Variants in OSMR observed in about 807,000 individuals in gnomAD.
OSMR encodes the protein oncostatin-M-specific receptor subunit beta.
OSMR carries 81 observed loss-of-function variants against 99.9 expected under a neutral mutation model. The ratio of observed to expected loss-of-function variants is 0.81; its 90% confidence interval spans 0.68 to 0.97. The LOEUF is 0.97. Ranked by LOEUF, OSMR falls within the 50% of genes least tolerant of loss-of-function variation. OSMR has a pLI of 0.00. For missense variants in OSMR, 1,099 were observed against 1,153.4 expected (o/e 0.95, Z 0.68); for synonymous variants, 406 against 410.4 (o/e 0.99, Z 0.13).
chr5:38,894,639 A>C (rs1744380257), intron 7 of OSMR, among the ~76,000 whole-genome samples: 1 of 152,196 alleles, frequency 6.6e-6, no homozygotes, highest in Admixed American at 6.5e-5. Flanking sequence ...TTCAATAAGA[A>C]GACTTATTGA....
rs140952552 is a variant in OSMR, at chr5:38,889,247, T to A, written c.991+3057T>A. ...TTTTTGAATTATAGTTTTTGGTATT[T>A]GTTTGGCCGCCTTCCCTTGGTGTTC... is the stretch of plus-strand genomic sequence containing the variant. On this transcript the variant is annotated intron_variant, in intron 7 of 17. Coordinates refer to ENST00000274276, the MANE Select transcript of OSMR (RefSeq NM_003999.3). 2.3e-3 allele frequency among the ~76,000 whole-genome samples: 347 copies of A among 152,266 alleles called. 2 individuals carry two copies. Among genetic ancestry groups the A allele is most frequent in the African/African-American group, 8.1e-3 (335 of 41,580 alleles).
chr5:38,945,179 G>T, downstream of OSMR: 1 of 808,670 alleles, frequency 1.2e-6, no homozygotes, highest in Non-Finnish European at 1.9e-6. Flanking sequence ...CTAATTGTAT[G>T]CAATATACCA....
chr5:38,941,903 A>T (rs1747611864), intron 1 of OSMR: 1 of 234,574 alleles, frequency 4.3e-6, no homozygotes, highest in African/African-American at 2.2e-5. Context: ...CAAACAAGGC[A>T]TCTGTATTAT....
At chr5:38,877,409 G>A (rs1042277695) in intron 3 of OSMR, among the ~76,000 whole-genome samples, 1 of 152,130 alleles carries the variant, frequency 6.6e-6, no homozygotes, top group African/African-American at 2.4e-5. Context: ...GTCCACTTAG[G>A]ATTCATACCT....
At chr5:38,856,069 G>A (rs1042564702) in intron 1 of OSMR, among the ~76,000 whole-genome samples, 1 of 152,082 alleles carries the variant, frequency 6.6e-6, no homozygotes, top group Non-Finnish European at 1.5e-5. Flanking sequence ...TGGGCTTTTC[G>A]TTGTGTTAGT....
intron 7 of OSMR, among the ~76,000 whole-genome samples, chr5:38,897,162 A>G (rs1331871624): frequency 1.3e-5 from 2 of 151,950 alleles, no homozygotes; most frequent in African/African-American, 4.8e-5. Context: ...ATACTGGCCT[A>G]GTAGAATGAC....
intron 7 of OSMR, among the ~76,000 whole-genome samples, chr5:38,891,956 C>T (rs1356044090): frequency 6.6e-6 from 1 of 152,160 alleles, no homozygotes; most frequent in Admixed American, 6.5e-5. Context: ...ACCCCTGCCG[C>T]CCTTCTCCGG....
At chr5:38,931,759 C>G (rs1245170498) in intron 15 of OSMR, 124 bp from the exon 16 acceptor site, 32 of 1,486,866 alleles carry the variant, frequency 2.2e-5, no homozygotes, top group Non-Finnish European at 2.8e-5. Flanking sequence ...CATATTACAA[C>G]TTGCATACAT....
intron 15 of OSMR, among the ~76,000 whole-genome samples, chr5:38,929,883 A>G (rs1026777172): frequency 2.6e-5 from 4 of 152,226 alleles, no homozygotes; most frequent in Non-Finnish European, 5.9e-5. Flanking sequence ...AGGTACAGTA[A>G]AAGTTAAATA....
At chr5:38,905,550 T>G (rs1454035984) in intron 9 of OSMR, among the ~76,000 whole-genome samples, 1 of 151,950 alleles carries the variant, frequency 6.6e-6, no homozygotes, top group Non-Finnish European at 1.5e-5. Flanking sequence ...CGAAGGGCCC[T>G]CTGTGCTCCT....
intron 11 of OSMR, chr5:38,919,472 A>T (rs1239031938): frequency 1.5e-6 from 1 of 649,170 alleles, no homozygotes; most frequent in African/African-American, 1.9e-5. Flanking sequence ...AGAGTCCATG[A>T]ACATTTCCAG....
Position 38,917,640 on chromosome 5 carries a change from CA to C in OSMR, c.1362+22del. 6.3e-7 allele frequency: 1 copy of C among 1,593,902 alleles called. No homozygotes were observed. Among genetic ancestry groups the C allele is most frequent in the Non-Finnish European group, 8.6e-7 (1 of 1,162,076 alleles). ...TCTGGAAGGTAAGATGTGCAGATTC[CA>C]AAAGTCTGATTGTTTCCAAAAGTCA... On this transcript the variant is annotated intron_variant, in intron 10 of 17. Transcript: ENST00000274276.
rs1745067040 is a variant in OSMR, at chr5:38,904,119, G to A, written c.1134+95G>A. ...AAAATCACTTTAAACTCTTATTTCT[G>A]TGTAGGTTCAAATGGTGTGGGTCAT... On this transcript the variant is annotated intron_variant, in intron 8 of 17. Coordinates refer to ENST00000274276, the MANE Select transcript of OSMR (RefSeq NM_003999.3). 7.0e-6 allele frequency: 11 copies of A among 1,563,904 alleles called. No homozygotes were observed. In the South Asian group the frequency reaches 9.5e-5, roughly 13 times the overall value.
At chr5:38,942,451 A>G in intron 1 of OSMR, 1 of 788,540 alleles carries the variant, frequency 1.3e-6, no homozygotes, top group Non-Finnish European at 1.9e-6. Context: ...ATAAATATCT[A>G]ATTTTTTTTT....
chr5:38,917,443 T>C, intron 9 of OSMR, 103 bp from the exon 10 acceptor site: 8 of 1,537,104 alleles, frequency 5.2e-6, no homozygotes, highest in Admixed American at 1.8e-5. Flanking sequence ...AAGCCTCAGG[T>C]TGGACAGGTA....
chr5:38,865,065 T>C (rs1316945089), intron 1 of OSMR, among the ~76,000 whole-genome samples: 2 of 152,232 alleles, frequency 1.3e-5, no homozygotes, highest in East Asian at 1.9e-4. Context: ...GATTGTATTT[T>C]TTATTTCAAT....
At chr5:38,922,764 T>C (rs778549933) in intron 12 of OSMR, among the ~76,000 whole-genome samples, 23 of 152,136 alleles carry the variant, frequency 1.5e-4, no homozygotes, top group Non-Finnish European at 2.2e-4. Context: ...CACAAATTTA[T>C]TTTTCATTCT....
At chr5:38,906,035 G>A (rs756557802) in intron 9 of OSMR, among the ~76,000 whole-genome samples, 1 of 152,126 alleles carries the variant, frequency 6.6e-6, no homozygotes, top group Non-Finnish European at 1.5e-5. Flanking sequence ...AGCCCATTGA[G>A]ACTCCAGTAA....
chr5:38,898,160 T>C (rs1744644100), intron 7 of OSMR, among the ~76,000 whole-genome samples: 1 of 152,176 alleles, frequency 6.6e-6, no homozygotes, highest in African/African-American at 2.4e-5. Context: ...CTTTGTTGAT[T>C]TTCTGTCTGG....
Sources: gnomAD v4.1 joint callset for allele counts (sites outside exome capture counted in the v4.1 genomes callset) on GRCh38, gnomAD v4.1.1 for gene constraint, MANE v1.5 for transcripts, NCBI Gene and HGNC (gene_info 2026-07-23, HGNC 2026-07-21) for gene names.